ATP8A2: variants seen among roughly 807,000 people sequenced by gnomAD.
ATP8A2 encodes the protein ATPase phospholipid transporting 8A2, also known as phospholipid-transporting ATPase IB.
A neutral mutation model predicts 165.6 loss-of-function variants in ATP8A2; 100 were observed. The ratio of observed to expected loss-of-function variants is 0.60; its 90% CI spans 0.51 to 0.71. ATP8A2 has a LOEUF of 0.71. ATP8A2 is among the 30% of genes least tolerant of loss of function. ATP8A2 has a pLI of 0.00. For missense variants in ATP8A2, 1,227 were observed against 1,479.5 expected, an observed-to-expected ratio of 0.83 and a Z score of 2.80; for synonymous variants, 543 against 548.8, an observed-to-expected ratio of 0.99 and a Z score of 0.15.
chr13:25,880,377 CA>C (rs10641772), intron 33 of ATP8A2, among the ~76,000 whole-genome samples: 9,533 of 91,696 alleles, frequency 0.1, 549 homozygotes, highest in African/African-American at 0.23. Flanking sequence ...TCAGGAACAA[CA>C]AAAAAAAAAA....
At chr13:25,448,807 C>T (rs2035136505) in intron 1 of ATP8A2, among the ~76,000 whole-genome samples, 1 of 151,980 alleles carries the variant, frequency 6.6e-6, no homozygotes, top group South Asian at 2.1e-4. Context: ...CTGCCACCAG[C>T]CCTGGCTAAT....
At chr13:25,674,398 G>A (rs1001684501) in intron 24 of ATP8A2, among the ~76,000 whole-genome samples, 3 of 152,138 alleles carry the variant, frequency 2.0e-5, no homozygotes, top group East Asian at 1.9e-4. Flanking sequence ...ATAATATATC[G>A]TTTCCATTCC....
chr13:25,991,744 C>T (rs189085198), intron 35 of ATP8A2, among the ~76,000 whole-genome samples: 13 of 152,246 alleles, frequency 8.5e-5, no homozygotes, highest in South Asian at 2.1e-4. Flanking sequence ...ACCATTCATC[C>T]GTTGAAGGAG....
At chr13:25,518,055 G>T (rs2037536206) in intron 2 of ATP8A2, among the ~76,000 whole-genome samples, 1 of 152,262 alleles carries the variant, frequency 6.6e-6, no homozygotes. Flanking sequence ...TCCCAGGTAT[G>T]CAGTGATGTC....
intron 1 of ATP8A2, among the ~76,000 whole-genome samples, chr13:25,421,420 G>A (rs1021638854): frequency 1.3e-5 from 2 of 151,992 alleles, no homozygotes; most frequent in East Asian, 1.9e-4. Flanking sequence ...CTGTAGCCTC[G>A]AACTTCTGGA....
At chr13:25,571,212 G>A (rs1468094542) in intron 17 of ATP8A2, among the ~76,000 whole-genome samples, 1 of 152,206 alleles carries the variant, frequency 6.6e-6, no homozygotes, top group Admixed American at 6.5e-5. Context: ...TGCTGGGGAA[G>A]CTGTGCATGG....
chr13:25,467,985 A>G (rs2035717523), intron 1 of ATP8A2, among the ~76,000 whole-genome samples: 1 of 152,204 alleles, frequency 6.6e-6, no homozygotes, highest in African/African-American at 2.4e-5. Flanking sequence ...TTTTTCTGTG[A>G]TCCTTTATCT....
In ATP8A2 at chr13:25,865,893, C is replaced by T. The variant is rs1748094; in HGVS notation, c.3183+3485C>T. The stretch of plus-strand genomic sequence containing the variant: ...TATCCTGGGGAATGCCAGTCCTCGG[C>T]TATGGAAAATACATGATGATGTTTT... On this transcript the variant is annotated intron_variant, in intron 33 of 36. Transcript: ENST00000381655. 4.5e-3 allele frequency among the ~76,000 whole-genome samples: 680 copies of T among 152,260 alleles called. 2 individuals carry two copies. Among genetic ancestry groups the T allele is most frequent in the African/African-American group, 0.016 (655 of 41,528 alleles).
rs75003872 is a variant in ATP8A2, at chr13:25,510,476, G to T, written c.222-19523G>T. Among the ~76,000 whole-genome samples the T allele has an allele frequency of 6.8e-3, 1,030 of 152,344 alleles. 12 individuals carry two copies. The highest frequency in any genetic ancestry group is 0.024 in the African/African-American group (985 of 41,574). On this transcript the variant is annotated intron_variant, in intron 2 of 36. Coordinates refer to ENST00000381655, the MANE Select transcript of ATP8A2 (RefSeq NM_016529.6). ...TTAAAGGGGAAGAACTGGACTCTTC[G>T]ATTTCCCTGTGGGGTGAGTTTTAGG...
intron 1 of ATP8A2, among the ~76,000 whole-genome samples, chr13:25,397,243 T>C (rs2033459147): frequency 6.6e-6 from 1 of 152,168 alleles, no homozygotes; most frequent in Non-Finnish European, 1.5e-5. Context: ...CAGACAGTTG[T>C]CCTATAGCAC....
At chr13:25,992,303 T>A (rs377577819) in intron 35 of ATP8A2, among the ~76,000 whole-genome samples, 12 of 151,858 alleles carry the variant, frequency 7.9e-5, no homozygotes, top group African/African-American at 2.9e-4. Context: ...GTTTTCCTAA[T>A]GGTTAATGAT....
intron 1 of ATP8A2, among the ~76,000 whole-genome samples, chr13:25,453,161 T>C (rs2035273851): frequency 6.6e-6 from 1 of 151,930 alleles, no homozygotes; most frequent in African/African-American, 2.4e-5. Context: ...GTTTTCGCTC[T>C]TGTTGCCCAG....
intron 1 of ATP8A2, among the ~76,000 whole-genome samples, chr13:25,464,477 C>T (rs1399919899): frequency 6.7e-6 from 1 of 149,672 alleles, no homozygotes; most frequent in Non-Finnish European, 1.5e-5. Flanking sequence ...ATTCCTTTCT[C>T]TGTCTCCTGG....
chr13:25,525,255 T>A (rs1278990393), intron 2 of ATP8A2, among the ~76,000 whole-genome samples: 1 of 152,140 alleles, frequency 6.6e-6, no homozygotes, highest in Non-Finnish European at 1.5e-5. Context: ...ATACTGCCTA[T>A]TTTTTAGCAG....
At chr13:25,490,311 T>C (rs2036485688) in intron 2 of ATP8A2, among the ~76,000 whole-genome samples, 1 of 152,234 alleles carries the variant, frequency 6.6e-6, no homozygotes, top group South Asian at 2.1e-4. Context: ...GCTAGCCCCG[T>C]ATAGCTTTAA....
chr13:25,920,833 T>C (rs1954428237), intron 33 of ATP8A2, among the ~76,000 whole-genome samples: 1 of 152,200 alleles, frequency 6.6e-6, no homozygotes, highest in Non-Finnish European at 1.5e-5. Flanking sequence ...ACCCCAGCAC[T>C]TGGGAGGCCG....
chr13:25,739,698 G>T (rs910976641), intron 25 of ATP8A2, among the ~76,000 whole-genome samples: 1 of 152,106 alleles, frequency 6.6e-6, no homozygotes, highest in Non-Finnish European at 1.5e-5. Context: ...ATTTAAAGAG[G>T]AATAAACTTA....
chr13:25,822,603 T>G (rs895817408), intron 27 of ATP8A2, among the ~76,000 whole-genome samples: 1 of 152,222 alleles, frequency 6.6e-6, no homozygotes, highest in African/African-American at 2.4e-5. Context: ...TAGCAGCTTG[T>G]AGGGTTCTTT....
chr13:25,970,831 T>TTGA (rs1428277969), intron 35 of ATP8A2, among the ~76,000 whole-genome samples: 3 of 152,134 alleles, frequency 2.0e-5, no homozygotes, highest in Non-Finnish European at 4.4e-5. Flanking sequence ...TTGCTTGTTG[T>TTGA]TGATAAATGA....
Sources: allele counts gnomAD v4.1 joint callset (sites outside exome capture counted in the v4.1 genomes callset), GRCh38; gene constraint gnomAD v4.1.1; transcripts MANE v1.5; gene names NCBI Gene and HGNC (gene_info 2026-07-23, HGNC 2026-07-21).